Variants in DNER observed in about 807,000 individuals in gnomAD.
DNER encodes the protein delta/notch like EGF repeat containing.
DNER carries 33 observed loss-of-function variants against 78.2 expected under a neutral mutation model. The observed-to-expected ratio is 0.42, with a 90% CI of 0.32 to 0.56. DNER has a LOEUF of 0.56. DNER is among the 20% of genes least tolerant of loss of function. DNER has a pLI of 0.11. For synonymous variants in DNER, 417 were observed against 384.8 expected (o/e 1.08, Z -0.98); for missense variants, 918 against 975.3 (o/e 0.94, Z 0.78).
intron 1 of DNER, among the ~76,000 whole-genome samples, chr2:229,619,709 G>T (rs1382967937): frequency 4.6e-5 from 7 of 152,126 alleles, no homozygotes; most frequent in African/African-American, 1.4e-4. Context: ...AGAATTTAAA[G>T]AATAAACTTC....
intron 8 of DNER, among the ~76,000 whole-genome samples, chr2:229,435,452 G>C (rs1694102615): frequency 6.6e-6 from 1 of 152,156 alleles, no homozygotes; most frequent in Non-Finnish European, 1.5e-5. Flanking sequence ...ATCAAGTCTT[G>C]GAATGTTTTG....
chr2:229,554,968 AGG>A (rs1402473958), intron 4 of DNER, among the ~76,000 whole-genome samples: 13 of 143,342 alleles, frequency 9.1e-5, no homozygotes, highest in Non-Finnish European at 1.7e-4. Context: ...AGGGAAGGGA[AGG>A]GAAGGGAAGG....
At position 229,417,520 on chromosome 2, in the gene DNER, T is replaced by A. The variant is rs112644274; in HGVS notation, c.1609+588A>T. ...GCCAGTGAAGATGCTGGGAAAGGGC[T>A]TTAGGAACCACGCTGACCAGGCTTA... On this transcript the variant is annotated intron_variant, in intron 9 of 12. Coordinates refer to ENST00000341772, the MANE Select transcript of DNER (RefSeq NM_139072.4). Among the ~76,000 whole-genome samples the A allele has an allele frequency of 6.3e-3, 952 of 151,766 alleles. 4 individuals are homozygous for A. Among genetic ancestry groups the A allele is most frequent in the African/African-American group, 0.022 (895 of 41,370 alleles).
At chr2:229,491,863 A>G (rs567827002) in intron 6 of DNER, among the ~76,000 whole-genome samples, 2 of 152,228 alleles carry the variant, frequency 1.3e-5, no homozygotes, top group African/African-American at 4.8e-5. Context: ...AATCACATCC[A>G]TGATCTCTTA....
chr2:229,542,213 G>A (rs947539919), intron 5 of DNER, among the ~76,000 whole-genome samples: 6 of 151,988 alleles, frequency 3.9e-5, no homozygotes, highest in Non-Finnish European at 7.4e-5. Flanking sequence ...TAACAACCTT[G>A]ATGAACAAGT....
intron 10 of DNER, among the ~76,000 whole-genome samples, chr2:229,403,505 C>G (rs1693313730): frequency 6.6e-6 from 1 of 152,152 alleles, no homozygotes; most frequent in African/African-American, 2.4e-5. Flanking sequence ...TCTCCTGGGA[C>G]CAGTTTTCTG....
chr2:229,380,180 G>GAGAGTTTC (rs1692703222), intron 11 of DNER, among the ~76,000 whole-genome samples: 1 of 149,450 alleles, frequency 6.7e-6, no homozygotes, highest in South Asian at 2.2e-4. Flanking sequence ...ATTTGGACAA[G>GAGAGTTTC]AGAGTTTCCT....
intron 3 of DNER, among the ~76,000 whole-genome samples, chr2:229,586,344 A>G (rs1697494301): frequency 6.6e-6 from 1 of 151,744 alleles, no homozygotes; most frequent in African/African-American, 2.4e-5. Context: ...TAAATTTGTC[A>G]TAAACGTGGA....
chr2:229,689,059 A>C (rs1352674633), intron 1 of DNER, among the ~76,000 whole-genome samples: 3 of 152,184 alleles, frequency 2.0e-5, no homozygotes, highest in Admixed American at 2.0e-4. Flanking sequence ...TACCTAGGGG[A>C]TTGGCTGATA....
chr2:229,445,091 C>G (rs1157677275), intron 8 of DNER, among the ~76,000 whole-genome samples: 1 of 152,176 alleles, frequency 6.6e-6, no homozygotes, highest in East Asian at 1.9e-4. Flanking sequence ...CAGAGCAGAG[C>G]TGGGAACAGC....
intron 1 of DNER, among the ~76,000 whole-genome samples, chr2:229,661,298 C>T (rs574533214): frequency 6.6e-6 from 1 of 152,186 alleles, no homozygotes; most frequent in South Asian, 2.1e-4. Context: ...TCCTGTACAC[C>T]AGTCCCCCAC....
chr2:229,579,918 CTG>C (rs965169545), intron 4 of DNER, among the ~76,000 whole-genome samples: 5 of 152,020 alleles, frequency 3.3e-5, no homozygotes, highest in Non-Finnish European at 7.4e-5. Context: ...ATCCTGGGGA[CTG>C]TGAAGGGCCA....
At chr2:229,371,334 A>G (rs1692478205) in intron 11 of DNER, among the ~76,000 whole-genome samples, 1 of 152,214 alleles carries the variant, frequency 6.6e-6, no homozygotes, top group Admixed American at 6.5e-5. Flanking sequence ...GAGTCTCATC[A>G]CATGAATTGT....
chr2:229,408,899 T>G (rs746763886), intron 9 of DNER, among the ~76,000 whole-genome samples: 5 of 152,196 alleles, frequency 3.3e-5, no homozygotes, highest in Non-Finnish European at 7.3e-5. Context: ...CTGAAGTGTC[T>G]TTCAGATCTT....
chr2:229,425,139 A>C (rs1693844965), intron 8 of DNER, among the ~76,000 whole-genome samples: 1 of 152,184 alleles, frequency 6.6e-6, no homozygotes, highest in Non-Finnish European at 1.5e-5. Context: ...GACATAACAC[A>C]GTCCATGGGG....
rs113518482 is a variant in DNER, at chr2:229,425,708, C to A, written c.1487-7478G>T. Reference sequence around the variant, plus strand: ...CGTCCCTCATCACACTCAAAAATATCCAAAACTGTAAGATTCTAGCTGTAG... The same window carrying A: ...CGTCCCTCATCACACTCAAAAATATACAAAACTGTAAGATTCTAGCTGTAG... On this transcript the variant is annotated intron_variant, in intron 8 of 12. Coordinates refer to ENST00000341772, the MANE Select transcript of DNER (RefSeq NM_139072.4). 8.1e-3 allele frequency among the ~76,000 whole-genome samples: 1,234 copies of A among 152,324 alleles called. 20 individuals carry two copies. Among genetic ancestry groups the A allele is most frequent in the African/African-American group, 0.028 (1,184 of 41,564 alleles).
chr2:229,438,118 T>C (rs1694161287), intron 8 of DNER, among the ~76,000 whole-genome samples: 1 of 152,214 alleles, frequency 6.6e-6, no homozygotes, highest in Admixed American at 6.5e-5. Flanking sequence ...AGTGGATTGC[T>C]GGATCTACAG....
intron 7 of DNER, among the ~76,000 whole-genome samples, chr2:229,465,304 A>G (rs759247783): frequency 6.6e-6 from 1 of 152,206 alleles, no homozygotes; most frequent in South Asian, 2.1e-4. Context: ...GCTTGAAGCC[A>G]TTGTCTTCAG....
chr2:229,445,178 T>A (rs1370172824), intron 8 of DNER, among the ~76,000 whole-genome samples: 2 of 152,152 alleles, frequency 1.3e-5, no homozygotes, highest in African/African-American at 4.8e-5. Context: ...CAAACACAAG[T>A]TGTCTCAGTG....
Sources: allele counts gnomAD v4.1 joint callset (sites outside exome capture counted in the v4.1 genomes callset), GRCh38; gene constraint gnomAD v4.1.1; transcripts MANE v1.5; gene names NCBI Gene and HGNC (gene_info 2026-07-23, HGNC 2026-07-21).